The following RCBTB1 variants were observed in gnomAD, a reference collection of about 807,000 sequenced individuals.
RCBTB1 encodes RCC1 and BTB domain containing protein 1, also known as RCC1 and BTB domain-containing protein 1.
A neutral mutation model predicts 62.4 loss-of-function variants in RCBTB1; 46 were observed. The observed-to-expected ratio is 0.74, with a 90% CI of 0.58 to 0.94. The LOEUF is 0.94. Among genes scored for constraint, RCBTB1 ranks in the 40% least tolerant of loss-of-function variants. The pLI is 0.00. For missense variants in RCBTB1, 565 were observed against 654.9 expected (o/e 0.86, Z 1.50); for synonymous variants, 222 against 245.8 (o/e 0.90, Z 0.91).
chr13:49,564,593 A>AT (rs1962758954), intron 4 of RCBTB1, among the ~76,000 whole-genome samples: 1 of 142,106 alleles, frequency 7.0e-6, no homozygotes, highest in African/African-American at 2.7e-5. Context: ...CAAAAAAAAA[A>AT]AAAAAAAAAA....
At chr13:49,581,176 G>C (rs931946389) in intron 1 of RCBTB1, among the ~76,000 whole-genome samples, 3 of 152,086 alleles carry the variant, frequency 2.0e-5, no homozygotes, top group Non-Finnish European at 4.4e-5. Context: ...AGATTACTTT[G>C]GCTGACCACA....
intron 2 of RCBTB1, among the ~76,000 whole-genome samples, chr13:49,577,137 T>C (rs968860079): frequency 2.0e-5 from 3 of 152,234 alleles, no homozygotes; most frequent in Non-Finnish European, 2.9e-5. Flanking sequence ...TTTTACTTTA[T>C]ACTCTGAAAG....
chr13:49,558,385 A>G (rs774870914), intron 5 of RCBTB1, among the ~76,000 whole-genome samples: 4 of 152,186 alleles, frequency 2.6e-5, no homozygotes, highest in Admixed American at 1.3e-4. Flanking sequence ...AATACAAATT[A>G]TTAGAAAATA....
intron 2 of RCBTB1, among the ~76,000 whole-genome samples, chr13:49,570,749 C>T (rs552596549): frequency 2.0e-5 from 3 of 152,326 alleles, no homozygotes; most frequent in Middle Eastern, 6.8e-3. Flanking sequence ...CCTGAACCTG[C>T]CTTGTCGTAG....
chr13:49,556,784 T>C (rs557025157), intron 5 of RCBTB1, among the ~76,000 whole-genome samples: 1 of 152,322 alleles, frequency 6.6e-6, no homozygotes, highest in African/African-American at 2.4e-5. Context: ...TATATTCACA[T>C]AAATATCTAG....
chr13:49,572,159 T>C (rs547287215), intron 2 of RCBTB1, among the ~76,000 whole-genome samples: 27 of 152,034 alleles, frequency 1.8e-4, no homozygotes, highest in Admixed American at 1.2e-3. Flanking sequence ...AAACCCTGCC[T>C]CTACAAAAAA....
At chr13:49,566,400 G>A (rs1471392287) in intron 4 of RCBTB1, among the ~76,000 whole-genome samples, 1 of 152,140 alleles carries the variant, frequency 6.6e-6, no homozygotes, top group African/African-American at 2.4e-5. Flanking sequence ...GGAGGCAGTC[G>A]AAAACCTCAG....
intron 6 of RCBTB1, among the ~76,000 whole-genome samples, chr13:49,554,409 G>A (rs1013245589): frequency 2.0e-5 from 3 of 152,100 alleles, no homozygotes; most frequent in Non-Finnish European, 2.9e-5. Context: ...GCCATCCCAA[G>A]GAATTCTGAA....
chr13:49,558,611 T>C (rs1359895076), intron 5 of RCBTB1, among the ~76,000 whole-genome samples: 2 of 148,934 alleles, frequency 1.3e-5, no homozygotes, highest in Non-Finnish European at 1.5e-5. Flanking sequence ...GGAGAATCAC[T>C]TGTACCCAGG....
At chr13:49,566,214 C>T (rs896410716) in intron 4 of RCBTB1, among the ~76,000 whole-genome samples, 21 of 150,716 alleles carry the variant, frequency 1.4e-4, no homozygotes, top group Non-Finnish European at 2.8e-4. Flanking sequence ...GTCCTATGAC[C>T]CTGCCAAATC....
rs1383941029 is a variant in RCBTB1, at chr13:49,551,957, C to CT, written c.711+220_711+221insA. 2.0e-3 allele frequency among the ~76,000 whole-genome samples: 147 copies of CT among 74,762 alleles called. No individual in the cohort carries two copies. The Middle Eastern group carries it at 0.031, about 16-fold the overall frequency. The allele number at this position is 74,762 out of a possible 152,430, so 49.0% of individuals were successfully genotyped here. On this transcript the variant is annotated intron_variant, in intron 7 of 12. Coordinates refer to ENST00000378302, the MANE Select transcript of RCBTB1 (RefSeq NM_018191.4). ...TAAACCTTAGGCTACTGAATTTTTC[C>CT]ATTTTTTTTTTTTTTTTTAACTTGT...
chr13:49,567,318 T>C lies in RCBTB1; in HGVS notation c.-39A>G, dbSNP rs766750998. On this transcript the variant is annotated splice_region_variant and 5_prime_UTR_variant, in exon 3 of 13. An upstream start codon of the reference 5' UTR is lost. Transcript: ENST00000378302. ...AGCAATTCCTATAAATAAGCCGACA[T>C]CTCTGCTGGAACAGAAAGGATTCCA... The C allele has an allele frequency of 1.9e-6, 3 of 1,605,252 alleles. No individual in the cohort carries two copies. The African/African-American group carries it at 4.0e-5, about 22-fold the overall frequency.
At position 49,549,812 on chromosome 13, in the gene RCBTB1, C is replaced by A. The variant is rs964244098; in HGVS notation, c.855-164G>T. 1.1e-4 allele frequency: 106 copies of A among 985,344 alleles called. No homozygotes were observed. The African/African-American group carries it at 1.7e-3, about 16-fold the overall frequency. 61.0% of individuals were successfully genotyped at this position (985,344 alleles called of 1,614,324 possible). On this transcript the variant is annotated intron_variant, in intron 8 of 12. Transcript: ENST00000378302. Reference sequence around the variant, plus strand: ...CAGCAACAAAAGCAACAGATCAGGGCAAGAGCACTGTTCTCCTTTCCCAAA... The same window carrying A: ...CAGCAACAAAAGCAACAGATCAGGGAAAGAGCACTGTTCTCCTTTCCCAAA...
chr13:49,534,581 T>TA (rs1256136489), intron 12 of RCBTB1, among the ~76,000 whole-genome samples: 2 of 152,238 alleles, frequency 1.3e-5, no homozygotes, highest in African/African-American at 4.8e-5. Context: ...ATAATCTAGT[T>TA]ATGCTCAAAG....
rs189052996 is a variant in RCBTB1 at position 49,564,884 on chromosome 13, C to T, written c.277+1734G>A. 3.0e-3 allele frequency among the ~76,000 whole-genome samples: 416 copies of T among 139,782 alleles called. 1 individual carries two copies. Among genetic ancestry groups the T allele is most frequent in the African/African-American group, 0.012 (402 of 33,572 alleles). The allele number at this position is 139,782 out of a possible 152,430, so 91.7% of individuals were successfully genotyped here. A position where few individuals can be genotyped will look rare whatever the true frequency, so the allele number is the denominator to read the frequency against. On this transcript the variant is annotated intron_variant, in intron 4 of 12. Coordinates refer to ENST00000378302, the MANE Select transcript of RCBTB1 (RefSeq NM_018191.4). ...CCAGCCTGGGCGACAGAGAGAGACT[C>T]CGTCTCAAAAAAAAAAAGAAAGAAA...
At chr13:49,551,720 G>A (rs1455211427) in intron 7 of RCBTB1, among the ~76,000 whole-genome samples, 1 of 152,102 alleles carries the variant, frequency 6.6e-6, no homozygotes, top group East Asian at 1.9e-4. Context: ...CTAACACGGT[G>A]AAACCCCGTC....
rs997156497 is a variant in RCBTB1, at chr13:49,532,550, G to A, written c.*1572C>T. 4.6e-5 allele frequency: 7 copies of A among 152,434 alleles called. No homozygotes were observed. Among genetic ancestry groups the A allele is most frequent in the African/African-American group, 1.7e-4 (7 of 41,390 alleles). 9.4% of individuals were successfully genotyped at this position (152,434 alleles called of 1,614,324 possible). ...TCATGTTGTAGAACGAATTCTAACCGACTAATTCACTGGGCTTCAATCACT... is the reference window on the plus strand; with the variant it reads ...TCATGTTGTAGAACGAATTCTAACCAACTAATTCACTGGGCTTCAATCACT... On this transcript the variant is annotated 3_prime_UTR_variant, in exon 13 of 13. Coordinates refer to ENST00000378302, the MANE Select transcript of RCBTB1 (RefSeq NM_018191.4).
intron 12 of RCBTB1, among the ~76,000 whole-genome samples, chr13:49,538,340 A>G (rs1034076984): frequency 4.6e-5 from 7 of 152,228 alleles, no homozygotes; most frequent in Non-Finnish European, 8.8e-5. Context: ...TACTCACTGT[A>G]TCTTGTAGCA....
chr13:49,552,838 GAAGAT>G (rs60084900), intron 6 of RCBTB1, among the ~76,000 whole-genome samples: 36,935 of 151,506 alleles, frequency 0.24, 5,793 homozygotes, highest in African/African-American at 0.44. Flanking sequence ...AGCTAGTTTA[GAAGAT>G]AAGTAGGTGG....
Sources: allele counts gnomAD v4.1 joint callset (sites outside exome capture counted in the v4.1 genomes callset), GRCh38; gene constraint gnomAD v4.1.1; transcripts MANE v1.5; gene names NCBI Gene and HGNC (gene_info 2026-07-23, HGNC 2026-07-21).